The following WDPCP variants were observed in gnomAD, a reference collection of about 807,000 sequenced individuals.
WDPCP encodes WD repeat-containing and planar cell polarity effector protein fritz homolog.
In WDPCP, 71 loss-of-function variants were observed where a neutral mutation model predicts 93.1. That is an observed-to-expected ratio of 0.76 (90% CI 0.63 to 0.93). WDPCP has a LOEUF of 0.93. Among genes scored for constraint, WDPCP ranks in the 40% least tolerant of loss-of-function variants. The pLI is 0.00. For missense variants in WDPCP, 844 were observed against 887.4 expected, an observed-to-expected ratio of 0.95 and a Z score of 0.62; for synonymous variants, 315 against 315.0, an observed-to-expected ratio of 1.00 and a Z score of 0.00.
intron 12 of WDPCP, among the ~76,000 whole-genome samples, chr2:63,372,758 T>C (rs1691501319): frequency 6.6e-6 from 1 of 152,210 alleles, no homozygotes; most frequent in Non-Finnish European, 1.5e-5. Flanking sequence ...TCCCAGAGAA[T>C]TGATTTTTCT....
intron 1 of WDPCP, among the ~76,000 whole-genome samples, chr2:63,538,134 T>C (rs1256065998): frequency 1.3e-5 from 2 of 152,128 alleles, no homozygotes; most frequent in East Asian, 1.9e-4. Context: ...AGTATACTTA[T>C]AATGTTGAGA....
chr2:63,816,548 G>C (rs1670934929), intron 1 of WDPCP, among the ~76,000 whole-genome samples: 1 of 152,130 alleles, frequency 6.6e-6, no homozygotes, highest in Admixed American at 6.5e-5. Context: ...CACAAACCAA[G>C]GAATATCTGG....
intron 13 of WDPCP, among the ~76,000 whole-genome samples, chr2:63,281,166 C>T (rs1373800502): frequency 2.0e-5 from 3 of 151,910 alleles, no homozygotes; most frequent in African/African-American, 7.3e-5. Context: ...AAAAAGTAGG[C>T]TAAGGACATG....
chr2:63,507,101 A>C (rs1575546356), intron 1 of WDPCP, among the ~76,000 whole-genome samples: 1 of 152,126 alleles, frequency 6.6e-6, no homozygotes, highest in East Asian at 1.9e-4. Context: ...ATAATGCAAG[A>C]AAATTCCCCA....
At chr2:63,329,869 C>T (rs1296390804) in intron 12 of WDPCP, among the ~76,000 whole-genome samples, 2 of 152,122 alleles carry the variant, frequency 1.3e-5, no homozygotes, top group Non-Finnish European at 2.9e-5. Flanking sequence ...GGCTTACTCA[C>T]TTAGCATAAT....
intron 3 of WDPCP, among the ~76,000 whole-genome samples, chr2:63,594,035 T>C (rs1709254992): frequency 6.6e-6 from 1 of 152,214 alleles, no homozygotes; most frequent in South Asian, 2.1e-4. Flanking sequence ...GCACGATTAA[T>C]TGTCTTATTT....
intron 3 of WDPCP, among the ~76,000 whole-genome samples, chr2:63,616,119 T>C (rs1709671145): frequency 6.6e-6 from 1 of 152,182 alleles, no homozygotes; most frequent in South Asian, 2.1e-4. Flanking sequence ...ACACATATAG[T>C]ACAATAAATT....
At chr2:63,388,094 G>A (rs1167085514) in intron 10 of WDPCP, among the ~76,000 whole-genome samples, 1 of 152,014 alleles carries the variant, frequency 6.6e-6, no homozygotes. Context: ...AACTACCAAT[G>A]ACATTCTTCA....
intron 14 of WDPCP, among the ~76,000 whole-genome samples, chr2:63,183,987 G>A (rs1324715888): frequency 1.3e-5 from 2 of 151,926 alleles, no homozygotes; most frequent in Non-Finnish European, 2.9e-5. Context: ...TCTGTTTCTA[G>A]TCCTTTACCT....
chr2:63,762,945 A>G (rs1397604681), intron 2 of WDPCP, among the ~76,000 whole-genome samples: 1 of 152,194 alleles, frequency 6.6e-6, no homozygotes, highest in Non-Finnish European at 1.5e-5. Flanking sequence ...TCATCCATTT[A>G]TAAAAAAAAT....
chr2:63,497,317 A>G (rs1305151479), intron 1 of WDPCP, among the ~76,000 whole-genome samples: 1 of 152,168 alleles, frequency 6.6e-6, no homozygotes, highest in Non-Finnish European at 1.5e-5. Context: ...ATCAATGAGA[A>G]GAAAATGGCC....
intron 13 of WDPCP, among the ~76,000 whole-genome samples, chr2:63,300,936 C>T (rs936524456): frequency 6.6e-6 from 1 of 151,866 alleles, no homozygotes; most frequent in African/African-American, 2.4e-5. Flanking sequence ...GTCTGGAGAG[C>T]ATGTGGCATT....
intron 3 of WDPCP, chr2:63,622,860 G>T: frequency 6.4e-7 from 1 of 1,570,386 alleles, no homozygotes; most frequent in Non-Finnish European, 8.7e-7. Context: ...CTCAGCACCC[G>T]CGCAGCATCA....
rs1426369806 is a variant in WDPCP at position 63,404,475 on chromosome 2, T to C, written c.1008A>G (p.Leu336=). The change falls in exon 10 of 18, where the codon CTA becomes CTG. Residue 336 remains leucine, a synonymous_variant. Coordinates refer to ENST00000272321, the MANE Select transcript of WDPCP (RefSeq NM_015910.7). The part of the protein sequence containing the change: ...IQCVSVTRIP[L]KSKAISCCRN... ...TGCAGCAGCTGATGGCCTTTGACTT[T>C]AGTGGTATTCTGGTGACTGACACAC... 8.1e-6 allele frequency: 13 copies of C among 1,614,018 alleles called. No homozygotes were observed. The African/African-American group carries it at 1.1e-4, about 13-fold the overall frequency.
intron 2 of WDPCP, among the ~76,000 whole-genome samples, chr2:63,741,105 C>T (rs1391363201): frequency 6.6e-6 from 1 of 151,986 alleles, no homozygotes; most frequent in Non-Finnish European, 1.5e-5. Context: ...ATAATGTCTG[C>T]CTTTAGGGAA....
At chr2:63,123,548 G>C (rs1330041924) in intron 17 of WDPCP, among the ~76,000 whole-genome samples, 1 of 151,802 alleles carries the variant, frequency 6.6e-6, no homozygotes, top group African/African-American at 2.4e-5. Context: ...ATTCCTTTGG[G>C]GGATTTTCTT....
At chr2:63,690,512 T>G (rs1363551142) in intron 2 of WDPCP, among the ~76,000 whole-genome samples, 1 of 152,106 alleles carries the variant, frequency 6.6e-6, no homozygotes, top group African/African-American at 2.4e-5. Context: ...CCCAGCACTT[T>G]GGAGGCTGAA....
At chr2:63,748,990 C>A (rs1314691584) in intron 2 of WDPCP, among the ~76,000 whole-genome samples, 1 of 152,000 alleles carries the variant, frequency 6.6e-6, no homozygotes, top group Non-Finnish European at 1.5e-5. Context: ...TGTGAATTTG[C>A]GCTACAAATC....
intron 1 of WDPCP, among the ~76,000 whole-genome samples, chr2:63,822,991 G>GA: frequency 6.6e-6 from 1 of 150,994 alleles, no homozygotes; most frequent in East Asian, 1.9e-4. Context: ...TTAAATCTTT[G>GA]AAAAAATGGC....
Sources: gnomAD v4.1 joint callset for allele counts (sites outside exome capture counted in the v4.1 genomes callset) on GRCh38, gnomAD v4.1.1 for gene constraint, MANE v1.5 for transcripts, NCBI Gene and HGNC (gene_info 2026-07-23, HGNC 2026-07-21) for gene names.